Variants in TESK2 observed in about 807,000 individuals in gnomAD.
The protein encoded by TESK2 is testis associated actin remodelling kinase 2.
In TESK2, 39 loss-of-function variants were observed where a neutral mutation model predicts 57.1. The ratio of observed to expected loss-of-function variants is 0.68; its 90% CI spans 0.53 to 0.89. The LOEUF (loss-of-function observed/expected upper bound fraction) is 0.89. Ranked by LOEUF, TESK2 falls within the 40% of genes least tolerant of loss-of-function variation. The probability of loss-of-function intolerance (pLI) is 0.00; values close to 1 mark genes in which losing one functional copy is unlikely to be tolerated. For synonymous variants in TESK2, 249 were observed against 267.9 expected (o/e 0.93, Z 0.69); for missense variants, 646 against 732.1 (o/e 0.88, Z 1.36).
intron 4 of TESK2, 131 bp from the exon 5 acceptor site, chr1:45,355,580 C>T: frequency 2.1e-6 from 2 of 953,666 alleles, no homozygotes; most frequent in Non-Finnish European, 3.0e-6. Flanking sequence ...GCTTATTCTG[C>T]CTCCAAGCAC....
chr1:45,472,928 G>A (rs901397616), intron 1 of TESK2, among the ~76,000 whole-genome samples: 1 of 150,456 alleles, frequency 6.6e-6, no homozygotes, highest in African/African-American at 2.5e-5. Flanking sequence ...ACAAGGTCAG[G>A]AGATTGAGAT....
intron 1 of TESK2, among the ~76,000 whole-genome samples, chr1:45,472,996 A>G (rs34960478): frequency 6.8e-6 from 1 of 147,840 alleles, no homozygotes; most frequent in Non-Finnish European, 1.5e-5. Context: ...AAAAAAAAAT[A>G]CAAAAAAATT....
chr1:45,348,005 G>T lies in TESK2; in HGVS notation c.541-5C>A. 1 of 1,603,160 alleles carries T rather than the reference G, an allele frequency of 6.2e-7. No homozygotes were observed. Among genetic ancestry groups the T allele is most frequent in the Non-Finnish European group, 8.5e-7 (1 of 1,170,026 alleles). The stretch of plus-strand genomic sequence containing the variant: ...ATCCCTCTTTATCAGGCAGTTCTAG[G>T]GTTCCCAGGAAGGAAGAGAAAATAA... On this transcript the variant is annotated splice_region_variant and splice_polypyrimidine_tract_variant and intron_variant, in intron 5 of 10. Transcript: ENST00000372086.
At chr1:45,396,322 C>G (rs563478170) in intron 3 of TESK2, among the ~76,000 whole-genome samples, 1 of 151,862 alleles carries the variant, frequency 6.6e-6, no homozygotes, top group Admixed American at 6.6e-5. Flanking sequence ...TCTTGAACTC[C>G]TGACCTCAAG....
At chr1:45,346,447 G>A (rs930864388) in intron 9 of TESK2, among the ~76,000 whole-genome samples, 11 of 152,132 alleles carry the variant, frequency 7.2e-5, no homozygotes, top group Non-Finnish European at 1.6e-4. Context: ...AACACCTAAC[G>A]CAAGGAGTGA....
intron 4 of TESK2, among the ~76,000 whole-genome samples, chr1:45,357,468 G>A (rs1390809322): frequency 6.6e-6 from 1 of 151,338 alleles, no homozygotes; most frequent in Admixed American, 6.6e-5. Flanking sequence ...AGAGGAAAGA[G>A]TAGCAGATAA....
rs1194808615 is a variant in TESK2, at chr1:45,347,596, C to T, written c.708+13G>A. The T allele has an allele frequency of 1.9e-6, 3 of 1,610,840 alleles. No homozygotes were observed. The highest frequency in any genetic ancestry group is 3.4e-5 in the Admixed American group (2 of 59,694). On this transcript the variant is annotated intron_variant, in intron 7 of 10. Transcript: ENST00000372086. ...AAAAAGGAGAATCAGGCCTTGAGAT[C>T]CTCCAAACTTACCTTTTCATTATAG...
At chr1:45,481,501 C>T (rs2149307995) in intron 1 of TESK2, among the ~76,000 whole-genome samples, 2 of 152,256 alleles carry the variant, frequency 1.3e-5, no homozygotes, top group East Asian at 3.9e-4. Flanking sequence ...TACAGGTCCA[C>T]TCATGTGCTG....
chr1:45,398,059 C>A (rs1649438196), intron 3 of TESK2, among the ~76,000 whole-genome samples: 1 of 152,082 alleles, frequency 6.6e-6, no homozygotes, highest in South Asian at 2.1e-4. Flanking sequence ...AAGCATGCAC[C>A]ATCTCACCTG....
intron 3 of TESK2, among the ~76,000 whole-genome samples, chr1:45,409,428 G>A (rs980120568): frequency 5.3e-5 from 8 of 152,288 alleles, no homozygotes; most frequent in Admixed American, 1.3e-4. Context: ...GTAAGAAAAA[G>A]GAAGAATGAT....
intron 3 of TESK2, chr1:45,413,939 CA>C (rs1557563460): frequency 2.4e-6 from 1 of 410,774 alleles, no homozygotes; most frequent in Non-Finnish European, 4.9e-6. Context: ...AAATAGTAAC[CA>C]AAAAATTTAA....
At chr1:45,489,153 T>C in intron 1 of TESK2, among the ~76,000 whole-genome samples, 1 of 150,938 alleles carries the variant, frequency 6.6e-6, no homozygotes, top group South Asian at 2.1e-4. Context: ...AAAAAAAGCT[T>C]CTTAACTCTC....
In TESK2 at chr1:45,347,512, G is replaced by A. The variant is rs545186163; in HGVS notation, c.708+97C>T. 2.7e-5 allele frequency: 31 copies of A among 1,144,016 alleles called. No individual in the cohort carries two copies. In the South Asian group the frequency reaches 3.4e-4, roughly 13 times the overall value. The allele number at this position is 1,144,016 out of a possible 1,614,324, so 70.9% of individuals were successfully genotyped here. A position where few individuals can be genotyped will look rare whatever the true frequency, so the allele number is the denominator to read the frequency against. ...ACTCGGGAGGCAGTAAGCCGAGATC[G>A]TGCCACTGCATTCCAGCCTGAGCAA... On this transcript the variant is annotated intron_variant, in intron 7 of 10. Coordinates refer to ENST00000372086, the MANE Select transcript of TESK2 (RefSeq NM_007170.3).
intron 2 of TESK2, among the ~76,000 whole-genome samples, chr1:45,441,647 C>T (rs1252143651): frequency 7.3e-6 from 1 of 136,344 alleles, no homozygotes; most frequent in Non-Finnish European, 1.5e-5. Context: ...GAGACAGAGT[C>T]TCACTCTGTT....
Position 45,437,156 on chromosome 1 carries a change from C to T in TESK2, c.223-15310G>A, listed in dbSNP as rs368935981. Among the ~76,000 whole-genome samples the T allele has an allele frequency of 3.3e-5, 5 of 152,228 alleles. No individual in the cohort carries two copies. The South Asian group carries it at 8.3e-4, about 25-fold the overall frequency. ...GTAGATTGTTTTTGGGTAGCATGGT[C>T]GTTTTAACAATATTAATTCTTCCAA... On this transcript the variant is annotated intron_variant, in intron 2 of 10. Coordinates refer to ENST00000372086, the MANE Select transcript of TESK2 (RefSeq NM_007170.3).
chr1:45,477,714 A>G (rs1364374484), intron 1 of TESK2, among the ~76,000 whole-genome samples: 1 of 152,166 alleles, frequency 6.6e-6, no homozygotes, highest in Non-Finnish European at 1.5e-5. Context: ...GGTGACAGTT[A>G]AAAATCTTCA....
chr1:45,462,349 T>C (rs1652368881), intron 1 of TESK2, among the ~76,000 whole-genome samples: 2 of 152,094 alleles, frequency 1.3e-5, no homozygotes, highest in Non-Finnish European at 2.9e-5. Context: ...CTCCGCTCAC[T>C]GCAAGCTCCA....
chr1:45,345,675 A>C, intron 10 of TESK2, 117 bp from the exon 11 acceptor site: 3 of 1,076,602 alleles, frequency 2.8e-6, no homozygotes, highest in Non-Finnish European at 4.1e-6. Context: ...CTGTTTTACC[A>C]ATGAAGAAAC....
Position 45,345,005 on chromosome 1 carries a change from A to C in TESK2, c.1551T>G (p.Ile517Met). The change falls in exon 11 of 11, where the codon ATT (isoleucine) becomes ATG (methionine). Residue 517 changes from isoleucine to methionine, a missense_variant. Ile to Met is a conservative substitution (Grantham distance 10). Coordinates refer to ENST00000372086, the MANE Select transcript of TESK2 (RefSeq NM_007170.3). ...ACCCAAAACCATTTTCTTCCTGGAG[A>C]ATGGAGCAGTCCATAGCCTCATGGG... Reference protein sequence around the residue: ...AQAHEAMDCSILQEENGFGSR... With the variant: ...AQAHEAMDCSMLQEENGFGSR... 6.2e-7 allele frequency: 1 copy of C among 1,614,224 alleles called. No homozygotes were observed.
Sources: allele counts gnomAD v4.1 joint callset (sites outside exome capture counted in the v4.1 genomes callset), GRCh38; gene constraint gnomAD v4.1.1; transcripts MANE v1.5; gene names NCBI Gene and HGNC (gene_info 2026-07-23, HGNC 2026-07-21).